DSCAML1: variants seen among roughly 807,000 people sequenced by gnomAD.
DSCAML1 encodes the protein DS cell adhesion molecule like 1, also known as cell adhesion molecule DSCAML1.
In DSCAML1, 38 loss-of-function variants were observed where a neutral mutation model predicts 200.5. That is an observed-to-expected ratio of 0.19 (90% CI 0.15 to 0.25). DSCAML1 has a LOEUF of 0.25. DSCAML1 is among the 10% of genes least tolerant of loss of function. DSCAML1 has a pLI of 1.00. For synonymous variants in DSCAML1, 1,215 were observed against 1,165.0 expected (o/e 1.04, Z -0.87); for missense variants, 2,223 against 2,858.8 (o/e 0.78, Z 5.07).
intron 11 of DSCAML1, among the ~76,000 whole-genome samples, chr11:117,494,779 G>A (rs2049258301): frequency 6.6e-6 from 1 of 152,224 alleles, no homozygotes; most frequent in Non-Finnish European, 1.5e-5. Context: ...GACCCACATA[G>A]AGGGAAGAGG....
intron 3 of DSCAML1, among the ~76,000 whole-genome samples, chr11:117,730,114 G>A (rs1591448197): frequency 6.6e-6 from 1 of 152,098 alleles, no homozygotes; most frequent in East Asian, 1.9e-4. Flanking sequence ...CAGGAGAATC[G>A]TTTGAACCCA....
intron 3 of DSCAML1, among the ~76,000 whole-genome samples, chr11:117,675,470 ATTTTTTTTTTT>A (rs533948278): frequency 2.4e-4 from 23 of 96,904 alleles, no homozygotes; most frequent in Admixed American, 1.2e-3. Context: ...GCTGATTGAA[ATTTTTTTTTTT>A]TTTTTTTTTT....
intron 3 of DSCAML1, among the ~76,000 whole-genome samples, chr11:117,605,660 A>G (rs58248287): frequency 0.062 from 9,381 of 152,230 alleles, 621 homozygotes; most frequent in African/African-American, 0.17. Context: ...ACCAGTGACA[A>G]GGAGGTTCAG....
chr11:117,667,218 C>A (rs1341609792), intron 3 of DSCAML1, among the ~76,000 whole-genome samples: 1 of 152,152 alleles, frequency 6.6e-6, no homozygotes, highest in Non-Finnish European at 1.5e-5. Flanking sequence ...TCGAGACCAG[C>A]CTGGCCAACA....
intron 3 of DSCAML1, among the ~76,000 whole-genome samples, chr11:117,729,333 G>A (rs1005085781): frequency 5.3e-5 from 8 of 152,142 alleles, no homozygotes; most frequent in African/African-American, 1.7e-4. Context: ...AGAAAACATA[G>A]GGATAAATCT....
chr11:117,811,052 C>T (rs1023079482), intron 1 of DSCAML1, among the ~76,000 whole-genome samples: 6 of 151,934 alleles, frequency 3.9e-5, no homozygotes, highest in Admixed American at 3.3e-4. Context: ...TCCTCACACC[C>T]GGTCTGACTT....
At chr11:117,647,330 G>T (rs892926420) in intron 3 of DSCAML1, among the ~76,000 whole-genome samples, 2 of 152,240 alleles carry the variant, frequency 1.3e-5, no homozygotes, top group Non-Finnish European at 2.9e-5. Context: ...TAATGAGCCA[G>T]GTGGGCAGTG....
In DSCAML1 at chr11:117,481,984, G is replaced by T; in HGVS notation, c.2538C>A (p.Asp846Glu). Residue 846 changes from aspartate to glutamate, a missense_variant, in exon 12 of 33, where the codon GAC (aspartate) becomes GAA (glutamate). Physicochemically the swap from Asp to Glu is conservative, Grantham distance 45. This residue lies in a region of DSCAML1 where 438 missense variants were observed against 629.7 expected (regional missense o/e 0.70). Coordinates refer to ENST00000651296, the MANE Select transcript of DSCAML1 (RefSeq NM_020693.4). ...TCACCTTCAGTGTGGAGACGACCTC[G>T]TCGCCGTTGTCCTTGGTGGCGATGG... The part of the protein sequence containing the change: ...RYAIATKDNG[D>E]EVVSTLKLKP... 6.2e-7 allele frequency: 1 copy of T among 1,614,106 alleles called. No individual in the cohort carries two copies. Among genetic ancestry groups the T allele is most frequent in the Non-Finnish European group, 8.5e-7 (1 of 1,180,004 alleles).
At chr11:117,797,289 C>A, upstream of DSCAML1, 2 of 1,327,382 alleles carry the variant, frequency 1.5e-6, no homozygotes, top group Non-Finnish European at 1.9e-6. Context: ...GGCCGCTCTC[C>A]CCGCCCCCCC....
At chr11:117,462,238 G>C (rs928134795) in intron 17 of DSCAML1, among the ~76,000 whole-genome samples, 1 of 152,192 alleles carries the variant, frequency 6.6e-6, no homozygotes, top group African/African-American at 2.4e-5. Flanking sequence ...ACACCAAAAG[G>C]CTTGGTGTGA....
intron 3 of DSCAML1, among the ~76,000 whole-genome samples, chr11:117,568,046 C>T (rs1358097193): frequency 5.9e-5 from 9 of 152,092 alleles, no homozygotes; most frequent in Admixed American, 4.6e-4. Flanking sequence ...GGCTTCATCC[C>T]TGGGATGCAA....
intron 3 of DSCAML1, among the ~76,000 whole-genome samples, chr11:117,596,574 G>A (rs1268189138): frequency 2.0e-5 from 3 of 152,100 alleles, no homozygotes; most frequent in Admixed American, 6.5e-5. Context: ...TAATCAGCAC[G>A]TCCCTCATTT....
intron 3 of DSCAML1, among the ~76,000 whole-genome samples, chr11:117,576,750 G>A (rs1334408664): frequency 6.6e-6 from 1 of 152,142 alleles, no homozygotes; most frequent in East Asian, 1.9e-4. Flanking sequence ...AGCATGTGTT[G>A]CTGCCGGAGC....
At chr11:117,749,013 G>A (rs576473443) in intron 3 of DSCAML1, among the ~76,000 whole-genome samples, 410 of 152,302 alleles carry the variant, frequency 2.7e-3, no homozygotes, top group Non-Finnish European at 3.6e-3. Context: ...CTTGACACAC[G>A]TGCCTTGCCT....
At chr11:117,740,715 G>A (rs1254855806) in intron 3 of DSCAML1, among the ~76,000 whole-genome samples, 3 of 152,214 alleles carry the variant, frequency 2.0e-5, no homozygotes, top group Non-Finnish European at 4.4e-5. Flanking sequence ...CCTCGTCTTA[G>A]CAAGGGGCAA....
At chr11:117,807,148 C>A (rs1306036956) in intron 1 of DSCAML1, among the ~76,000 whole-genome samples, 1 of 152,224 alleles carries the variant, frequency 6.6e-6, no homozygotes, top group East Asian at 1.9e-4. Context: ...ACAGGCTCAG[C>A]GGGTAGCCTG....
chr11:117,580,429 G>GGTAA, intron 3 of DSCAML1, among the ~76,000 whole-genome samples: 1 of 152,322 alleles, frequency 6.6e-6, no homozygotes, highest in East Asian at 1.9e-4. Flanking sequence ...ACCTCTGGTA[G>GGTAA]GTACTTAATC....
rs1047190386 is a variant in DSCAML1, at chr11:117,435,554, C to T, written c.4876+90G>A. The stretch of plus-strand genomic sequence containing the variant: ...AGGGGACACAGGCACTCTGTATCAT[C>T]CAGATGGTGCTGTGAGCCAGGGAAG... On this transcript the variant is annotated intron_variant, in intron 27 of 32. Transcript: ENST00000651296. 4.2e-6 allele frequency: 6 copies of T among 1,444,426 alleles called. No individual in the cohort carries two copies. The African/African-American group carries it at 7.1e-5, about 17-fold the overall frequency. The allele number at this position is 1,444,426 out of a possible 1,614,324, so 89.5% of individuals were successfully genotyped here.
chr11:117,709,792 G>C, intron 3 of DSCAML1: 1 of 454,094 alleles, frequency 2.2e-6, no homozygotes, highest in East Asian at 6.9e-5. Context: ...GAGCGGCTGT[G>C]AAAAAGAATG....
Sources: allele counts gnomAD v4.1 joint callset (sites outside exome capture counted in the v4.1 genomes callset), GRCh38; gene constraint gnomAD v4.1.1; regional missense constraint gnomAD v4.1.1; transcripts MANE v1.5; gene names NCBI Gene and HGNC (gene_info 2026-07-23, HGNC 2026-07-21).